The following ANO3 variants were observed in gnomAD, a reference collection of about 807,000 sequenced individuals.
ANO3 encodes the protein anoctamin-3.
ANO3 carries 99 observed loss-of-function variants against 144.8 expected under a neutral mutation model. That is an observed-to-expected ratio of 0.68 (90% CI 0.58 to 0.81). The LOEUF is 0.81. Among genes scored for constraint, ANO3 ranks in the 30% least tolerant of loss-of-function variants. ANO3 has a pLI of 0.00. For missense variants in ANO3, 905 were observed against 1,202.2 expected, an observed-to-expected ratio of 0.75 and a Z score of 3.66; for synonymous variants, 414 against 392.6, an observed-to-expected ratio of 1.05 and a Z score of -0.64.
intron 17 of ANO3, among the ~76,000 whole-genome samples, chr11:26,613,385 G>A (rs293932): frequency 0.87 from 132,345 of 152,074 alleles, 57,952 homozygotes; most frequent in East Asian, 0.96. Context: ...TCAGATCATT[G>A]GTTATTTTTC....
intron 1 of ANO3, among the ~76,000 whole-genome samples, chr11:26,292,092 G>A (rs1263361385): frequency 1.3e-5 from 2 of 152,024 alleles, no homozygotes; most frequent in Non-Finnish European, 2.9e-5. Context: ...ATATTTCTTG[G>A]AGGCTTTGTT....
chr11:26,318,986 T>C (rs1444578401), intron 1 of ANO3, among the ~76,000 whole-genome samples: 3 of 152,072 alleles, frequency 2.0e-5, no homozygotes, highest in African/African-American at 2.4e-5. Context: ...GCCCTTTGTA[T>C]TTTTTTCTGA....
Position 26,637,467 on chromosome 11 carries a change from T to G in ANO3, c.2044-1677T>G, listed in dbSNP as rs982254157. The stretch of plus-strand genomic sequence containing the variant: ...TTCCACAGCACCAGTCAACACTGTA[T>G]GGCCTTGGGCAAGTCAGCTTGCCTC... On this transcript the variant is annotated intron_variant, in intron 20 of 26. Coordinates refer to ENST00000256737, the MANE Select transcript of ANO3 (RefSeq NM_031418.4). Among the ~76,000 whole-genome samples the G allele has an allele frequency of 4.2e-4, 64 of 152,192 alleles. 2 individuals are homozygous for G. Among genetic ancestry groups the G allele is most frequent in the Non-Finnish European group, 5.9e-5 (4 of 68,038 alleles).
intron 20 of ANO3, among the ~76,000 whole-genome samples, chr11:26,638,595 C>T (rs1228792346): frequency 6.6e-6 from 1 of 152,146 alleles, no homozygotes; most frequent in South Asian, 2.1e-4. Flanking sequence ...CCAAAGAGAG[C>T]TTTGCGTTTA....
At chr11:26,414,290 C>G (rs775369727) in intron 1 of ANO3, among the ~76,000 whole-genome samples, 5 of 152,010 alleles carry the variant, frequency 3.3e-5, no homozygotes, top group Non-Finnish European at 5.9e-5. Context: ...CACATGCACA[C>G]GTATGTTTAT....
chr11:26,379,680 C>G (rs1249166633), intron 1 of ANO3, among the ~76,000 whole-genome samples: 5 of 152,012 alleles, frequency 3.3e-5, no homozygotes, highest in Admixed American at 3.3e-4. Context: ...GTGGTATCAG[C>G]CACTCAGGAG....
intron 18 of ANO3, among the ~76,000 whole-genome samples, chr11:26,627,022 A>C (rs1397748109): frequency 6.6e-6 from 1 of 152,110 alleles, no homozygotes; most frequent in Non-Finnish European, 1.5e-5. Flanking sequence ...CTAGAGTGAG[A>C]ATGCCTGAGT....
At chr11:26,332,386 T>G in intron 1 of ANO3, 65 bp downstream of exon 1, 1 of 1,506,768 alleles carries the variant, frequency 6.6e-7, no homozygotes, top group South Asian at 1.1e-5. Flanking sequence ...CCCTTGCAGT[T>G]GTGTAGGAGC....
intron 1 of ANO3, among the ~76,000 whole-genome samples, chr11:26,438,089 T>C (rs1326632048): frequency 1.3e-5 from 2 of 152,062 alleles, no homozygotes; most frequent in Non-Finnish European, 2.9e-5. Context: ...CTTGAAAAAA[T>C]ATTTATACCT....
chr11:26,586,543 G>A (rs1235955340), intron 14 of ANO3, among the ~76,000 whole-genome samples: 6 of 67,898 alleles, frequency 8.8e-5, no homozygotes, highest in East Asian at 3.8e-4. Context: ...TCATTCTATC[G>A]CCAGGCTGGA....
intron 1 of ANO3, among the ~76,000 whole-genome samples, chr11:26,201,577 C>T (rs1485524999): frequency 1.1e-4 from 17 of 151,904 alleles, no homozygotes; most frequent in Non-Finnish European, 1.5e-4. Flanking sequence ...ACTCTGACTT[C>T]GATCAAAAGC....
intron 4 of ANO3, among the ~76,000 whole-genome samples, chr11:26,463,546 T>A (rs1290703432): frequency 6.7e-6 from 1 of 150,042 alleles, no homozygotes; most frequent in East Asian, 1.9e-4. Context: ...CTGAGAATTG[T>A]TTTTCTCATT....
intron 4 of ANO3, among the ~76,000 whole-genome samples, chr11:26,464,340 C>A (rs16915686): frequency 0.073 from 11,092 of 151,808 alleles, 687 homozygotes; most frequent in African/African-American, 0.17. Context: ...AATATAAAGG[C>A]TGTTTAGAGT....
At chr11:26,613,112 T>G (rs1197412627) in intron 17 of ANO3, among the ~76,000 whole-genome samples, 1 of 152,168 alleles carries the variant, frequency 6.6e-6, no homozygotes, top group Non-Finnish European at 1.5e-5. Context: ...ACCTCTTCTC[T>G]CTCTAATAAT....
chr11:26,457,652 C>A (rs200931453), intron 3 of ANO3, among the ~76,000 whole-genome samples: 1 of 152,094 alleles, frequency 6.6e-6, no homozygotes, highest in Non-Finnish European at 1.5e-5. Flanking sequence ...TCACTGCCAC[C>A]CAGCTAACAA....
chr11:26,655,993 G>C lies in ANO3; in HGVS notation c.2577-132G>C, dbSNP rs546928405. ...GAGAGTTAGGGAATGGAATAAAAGA[G>C]CTTGGTTGCTAAAAGTTTATCATTA... On this transcript the variant is annotated intron_variant, in intron 24 of 26. Transcript: ENST00000256737. The C allele has an allele frequency of 5.8e-5, 40 of 689,952 alleles. No homozygotes were observed. The South Asian group carries it at 7.5e-4, about 13-fold the overall frequency. 42.7% of individuals were successfully genotyped at this position (689,952 alleles called of 1,614,324 possible). A position where few individuals can be genotyped will look rare whatever the true frequency, so the allele number is the denominator to read the frequency against.
intron 1 of ANO3, among the ~76,000 whole-genome samples, chr11:26,401,808 C>T (rs139742179): frequency 7.6e-4 from 115 of 152,094 alleles, no homozygotes; most frequent in African/African-American, 2.5e-3. Context: ...ACCCAGGAGA[C>T]GGAGCTTTCA....
rs374511027 is a variant in ANO3 at position 26,245,468 on chromosome 11, T to G, written c.154+56138T>G. ...TTTAATTCTATCATTCCTTCCTGTT[T>G]CTTAGATTACTTTCTTATGTAAGGT... On this transcript the variant is annotated intron_variant, in intron 1 of 27. Transcript: ENST00000672621. 3.9e-5 allele frequency among the ~76,000 whole-genome samples: 6 copies of G among 152,306 alleles called. 1 individual carries two copies. The highest frequency in any genetic ancestry group is 1.4e-4 in the African/African-American group (6 of 41,572).
intron 1 of ANO3, among the ~76,000 whole-genome samples, chr11:26,218,800 CAT>C (rs979233992): frequency 2.6e-5 from 4 of 152,088 alleles, no homozygotes; most frequent in African/African-American, 9.6e-5. Flanking sequence ...TAACATGGCA[CAT>C]GTGTGTTTTT....
Sources: allele counts gnomAD v4.1 joint callset (sites outside exome capture counted in the v4.1 genomes callset), GRCh38; gene constraint gnomAD v4.1.1; transcripts MANE v1.5; gene names NCBI Gene and HGNC (gene_info 2026-07-23, HGNC 2026-07-21).